The following LIG1 variants were observed in gnomAD, a reference collection of about 807,000 sequenced individuals.
LIG1 encodes the protein DNA ligase 1, also known as ligase I, DNA, ATP-dependent.
A neutral mutation model predicts 115.7 loss-of-function variants in LIG1; 70 were observed. That is an observed-to-expected ratio of 0.60 (90% CI 0.50 to 0.74). The LOEUF is 0.74. LIG1 is among the 30% of genes least tolerant of loss of function. The pLI, the probability that LIG1 is intolerant of heterozygous loss-of-function variation, is 0.00. For synonymous variants in LIG1, 487 were observed against 495.3 expected (o/e 0.98, Z 0.22); for missense variants, 1,115 against 1,225.6 (o/e 0.91, Z 1.35).
At chr19:48,145,359 G>A (rs932474337) in intron 9 of LIG1, among the ~76,000 whole-genome samples, 2 of 152,120 alleles carry the variant, frequency 1.3e-5, no homozygotes, top group Non-Finnish European at 2.9e-5. Context: ...GGAGCTAAGG[G>A]GTCCCTACTA....
At position 48,121,191 on chromosome 19, in the gene LIG1, C is replaced by T. The variant is rs2033241674; in HGVS notation, c.2364G>A (p.Glu788=). The part of the protein sequence containing the change: ...FLLASYDEDS[E]ELQAICKLGT... Reference sequence around the variant, plus strand: ...GGACCTTGCATATGGCCTGCAGCTCCTCACTGTCCTCGTCGTAGGAGGCCA... The same window carrying T: ...GGACCTTGCATATGGCCTGCAGCTCTTCACTGTCCTCGTCGTAGGAGGCCA... Residue 788 remains glutamate, a synonymous_variant, in exon 24 of 28, where the codon GAG becomes GAA. Transcript: ENST00000263274. 1.9e-6 allele frequency: 3 copies of T among 1,614,134 alleles called. No individual in the cohort carries two copies. The highest frequency in any genetic ancestry group is 2.5e-6 in the Non-Finnish European group (3 of 1,180,028).
At chr19:48,135,915 G>C (rs1026716417) in intron 15 of LIG1, 119 bp downstream of exon 15, 1 of 806,552 alleles carries the variant, frequency 1.2e-6, no homozygotes, top group Non-Finnish European at 2.0e-6. Flanking sequence ...ACCCAGGAGA[G>C]AGGAGCCTGG....
At chr19:48,138,408 TGAAC>T (rs565623571) in intron 12 of LIG1, among the ~76,000 whole-genome samples, 3 of 152,176 alleles carry the variant, frequency 2.0e-5, no homozygotes, top group Non-Finnish European at 4.4e-5. Context: ...CAATCCGTAA[TGAAC>T]GAACAAGTGC....
intron 18 of LIG1, among the ~76,000 whole-genome samples, chr19:48,132,682 T>G (rs1294618265): frequency 1.3e-5 from 2 of 149,976 alleles, no homozygotes; most frequent in Non-Finnish European, 3.0e-5. Context: ...TCCCAGCTAC[T>G]TGGGAGGCTG....
rs561137392 is a variant in LIG1 at position 48,142,442 on chromosome 19, CAAA to C, written c.914+1098_914+1100del. On this transcript the variant is annotated intron_variant, in intron 11 of 27. Transcript: ENST00000263274. ...TGGGCAACAGAGCAAGACTCCATCT[CAAA>C]AAAAAAAAAAAACAGAGTGCTGGGA... Among the ~76,000 whole-genome samples the C allele has an allele frequency of 3.4e-4, 26 of 75,600 alleles. 2 individuals are homozygous for C. Among genetic ancestry groups the C allele is most frequent in the Admixed American group, 1.7e-3 (12 of 7,076 alleles). The allele number at this position is 75,600 out of a possible 152,430, so 49.6% of individuals were successfully genotyped here.
At chr19:48,116,482 C>T (rs1306342347) in intron 26 of LIG1, among the ~76,000 whole-genome samples, 4 of 150,772 alleles carry the variant, frequency 2.7e-5, no homozygotes, top group African/African-American at 9.8e-5. Flanking sequence ...CCTGCTACAG[C>T]CGTTACGATA....
rs2034489761 is a variant in LIG1 at position 48,137,735 on chromosome 19, C to T, written c.1088-47G>A. On this transcript the variant is annotated intron_variant, in intron 12 of 27. Transcript: ENST00000263274. This position sits in a 1 kb window ranked among gnomAD's most constrained non-coding sequence, Gnocchi z 4.3. ...GGGGTGTCGAGGGTGACAGTTGTGG[C>T]TGCGTGTCTCCCTTCTCTCGCGGCC... 2 of 1,595,414 alleles carry T rather than the reference C, an allele frequency of 1.3e-6. No homozygotes were observed. The highest frequency in any genetic ancestry group is 1.1e-5 in the South Asian group (1 of 90,722).
chr19:48,157,859 GTT>G (rs1310068465), intron 4 of LIG1, among the ~76,000 whole-genome samples: 2 of 152,142 alleles, frequency 1.3e-5, no homozygotes, highest in Non-Finnish European at 2.9e-5. Context: ...TCTCCATACA[GTT>G]TAGATGTTTG....
chr19:48,157,218 A>C, intron 4 of LIG1, 78 bp from the exon 5 acceptor site: 1 of 1,442,758 alleles, frequency 6.9e-7, no homozygotes, highest in Non-Finnish European at 9.4e-7. Flanking sequence ...AGTAGAGGGG[A>C]CTGAAACCTC....
chr19:48,150,761 G>A (rs560249062), intron 7 of LIG1, among the ~76,000 whole-genome samples: 10 of 152,126 alleles, frequency 6.6e-5, no homozygotes, highest in Non-Finnish European at 1.3e-4. Context: ...GCAGTGGTGC[G>A]ACCATAGGTC....
intron 1 of LIG1, among the ~76,000 whole-genome samples, chr19:48,167,845 A>AC (rs1194888233): frequency 2.1e-4 from 32 of 149,110 alleles, no homozygotes; most frequent in African/African-American, 7.2e-4. Flanking sequence ...AAAAAAAAAA[A>AC]AAAAACAAAC....
rs2034147049 is a variant in LIG1, at chr19:48,133,076, A to G, written c.1631T>C (p.Leu544Ser). ...GCTGATGCCCCGGGTGGGATGGGCC[A>G]ACATTGGTTTCAGGGGAATCCCTGG... ...LSPGIPLKPM[L>S]AHPTRGISEV... Residue 544 changes from leucine (L) to serine (S), a missense_variant, in exon 18 of 28, where the codon TTG becomes TCG. Physicochemically the swap from Leu to Ser is moderately radical, Grantham distance 145. Transcript: ENST00000263274. 1 of 1,613,894 alleles carries G rather than the reference A, an allele frequency of 6.2e-7. No homozygotes were observed. Among genetic ancestry groups the G allele is most frequent in the Admixed American group, 1.7e-5 (1 of 60,024 alleles).
intron 22 of LIG1, 44 bp downstream of exon 22, chr19:48,123,130 A>G (rs914160739): frequency 6.2e-7 from 1 of 1,613,220 alleles, no homozygotes; most frequent in Non-Finnish European, 8.5e-7. Flanking sequence ...GGCCGGGGTC[A>G]GCGCAAGCTG....
At chr19:48,167,160 T>G (rs2036529471) in intron 1 of LIG1, among the ~76,000 whole-genome samples, 1 of 150,584 alleles carries the variant, frequency 6.6e-6, no homozygotes, top group South Asian at 2.1e-4. Flanking sequence ...ATTAAAGATA[T>G]AAAAAATTAT....
chr19:48,149,640 C>G, intron 9 of LIG1, 123 bp downstream of exon 9: 2 of 774,580 alleles, frequency 2.6e-6, no homozygotes, highest in Non-Finnish European at 4.5e-6. Flanking sequence ...CTCTCTGGCT[C>G]TTTATAGAAA....
In LIG1 at chr19:48,117,791, G is replaced by A. The variant is rs1043935121; in HGVS notation, c.2440-10C>T. Reference sequence around the variant, plus strand: ...TGGGCAGCACCAGCGCCTGCAGTGAGCAGAGGAAGAGAGGAACAGAGGGTC... The same window carrying A: ...TGGGCAGCACCAGCGCCTGCAGTGAACAGAGGAAGAGAGGAACAGAGGGTC... On this transcript the variant is annotated splice_polypyrimidine_tract_variant and intron_variant, in intron 25 of 27. Coordinates refer to ENST00000263274, the MANE Select transcript of LIG1 (RefSeq NM_000234.3). The A allele has an allele frequency of 6.8e-6, 11 of 1,611,376 alleles. No homozygotes were observed. In the African/African-American group the frequency reaches 1.3e-4, roughly 20 times the overall value.
Position 48,149,853 on chromosome 19 carries a change from G to T in LIG1, c.698-12C>A. ...TGGCTTCCGGGGGGCTAGGAATGAA[G>T]ACAGAAAACAGTGGGTCTTTTCTCC... On this transcript the variant is annotated splice_polypyrimidine_tract_variant and intron_variant, in intron 8 of 27. Transcript: ENST00000263274. 3.1e-6 allele frequency: 5 copies of T among 1,613,154 alleles called. No individual in the cohort carries two copies. The highest frequency in any genetic ancestry group is 4.2e-6 in the Non-Finnish European group (5 of 1,179,562).
At chr19:48,155,378 A>G (rs1461152150) in intron 5 of LIG1, among the ~76,000 whole-genome samples, 1 of 152,202 alleles carries the variant, frequency 6.6e-6, no homozygotes, top group Non-Finnish European at 1.5e-5. Flanking sequence ...GAAGTAGATG[A>G]GAGGCCCCAA....
chr19:48,137,606 C>G lies in LIG1; in HGVS notation c.1170G>C (p.Gln390His). 6.2e-7 allele frequency: 1 copy of G among 1,612,964 alleles called. No homozygotes were observed. Residue 390 changes from glutamine to histidine, a missense_variant, in exon 13 of 28, where the codon CAG becomes CAC. By Grantham distance (24) the Gln-to-His change is conservative. Coordinates refer to ENST00000263274, the MANE Select transcript of LIG1 (RefSeq NM_000234.3). This position sits in a 1 kb window ranked among gnomAD's most constrained non-coding sequence, Gnocchi z 4.3. ...GCGGAGGTGGTGGCAGCATGAGCCTCTGGGTGCTGCGGCTGTTCTCGGCCA... is the reference window on the plus strand; with the variant it reads ...GCGGAGGTGGTGGCAGCATGAGCCTGTGGGTGCTGCGGCTGTTCTCGGCCA... ...GLVAENSRST[Q>H]RLMLPPPPLT...
Sources: gnomAD v4.1 joint callset for allele counts (sites outside exome capture counted in the v4.1 genomes callset) on GRCh38, gnomAD v4.1.1 for gene constraint, Gnocchi (gnomAD v3.1) non-coding constraint, MANE v1.5 for transcripts, NCBI Gene and HGNC (gene_info 2026-07-23, HGNC 2026-07-21) for gene names.